The following DNAH7 variants were observed in gnomAD, a reference collection of about 807,000 sequenced individuals.
The protein encoded by DNAH7 is axonemal beta dynein heavy chain 7.
A neutral mutation model predicts 444.6 loss-of-function variants in DNAH7; 397 were observed. The ratio of observed to expected loss-of-function variants is 0.89; its 90% CI spans 0.82 to 0.97. The LOEUF (loss-of-function observed/expected upper bound fraction) is 0.97. Ranked by LOEUF, DNAH7 falls within the 50% of genes least tolerant of loss-of-function variation. DNAH7 has a pLI of 0.00. For synonymous variants in DNAH7, 1,636 were observed against 1,624.4 expected (o/e 1.01, Z -0.17); for missense variants, 4,902 against 4,800.8 (o/e 1.02, Z -0.62).
intron 7 of DNAH7, among the ~76,000 whole-genome samples, chr2:196,024,966 A>G (rs976382627): frequency 6.6e-6 from 1 of 152,204 alleles, no homozygotes; most frequent in African/African-American, 2.4e-5. Flanking sequence ...TAAAAATAAC[A>G]GACAACAATA....
At chr2:195,771,199 G>C (rs886138304) in intron 61 of DNAH7, among the ~76,000 whole-genome samples, 2 of 151,732 alleles carry the variant, frequency 1.3e-5, no homozygotes, top group South Asian at 2.1e-4. Context: ...AAATAGCCAG[G>C]CTTGGTGGCT....
intron 22 of DNAH7, among the ~76,000 whole-genome samples, chr2:195,924,912 A>G (rs1369994587): frequency 6.6e-6 from 1 of 152,240 alleles, no homozygotes; most frequent in African/African-American, 2.4e-5. Context: ...CTTAAGAGAC[A>G]TATCAATATG....
Position 195,981,800 on chromosome 2 carries a change from T to C in DNAH7, c.1833+2832A>G, listed in dbSNP as rs182320775. Among the ~76,000 whole-genome samples the C allele has an allele frequency of 7.1e-4, 108 of 152,266 alleles. 1 individual carries two copies. Among genetic ancestry groups the C allele is most frequent in the African/African-American group, 2.4e-3 (100 of 41,554 alleles). On this transcript the variant is annotated intron_variant, in intron 15 of 64. Coordinates refer to ENST00000312428, the MANE Select transcript of DNAH7 (RefSeq NM_018897.3). Reference sequence around the variant, plus strand: ...TACTAGACCTCTGTCTCTCAACATATACAAAAATCAAATCAAAATGGATTA... The same window carrying C: ...TACTAGACCTCTGTCTCTCAACATACACAAAAATCAAATCAAAATGGATTA...
chr2:195,750,112 A>G (rs1205831531), intron 63 of DNAH7, among the ~76,000 whole-genome samples: 2 of 152,186 alleles, frequency 1.3e-5, no homozygotes, highest in Non-Finnish European at 2.9e-5. Flanking sequence ...TTGGAACACT[A>G]AATAGGCTTT....
At chr2:195,969,331 T>C (rs1211267088) in intron 17 of DNAH7, among the ~76,000 whole-genome samples, 2 of 152,240 alleles carry the variant, frequency 1.3e-5, no homozygotes, top group African/African-American at 4.8e-5. Flanking sequence ...TATTAAGATC[T>C]TTCAATGTAA....
intron 3 of DNAH7, among the ~76,000 whole-genome samples, chr2:196,048,780 G>A (rs187499779): frequency 1.1e-3 from 118 of 111,160 alleles, no homozygotes; most frequent in African/African-American, 2.9e-3. Flanking sequence ...TCTCATGGCT[G>A]TAAACCACCC....
intron 24 of DNAH7, among the ~76,000 whole-genome samples, chr2:195,916,837 C>T (rs534313558): frequency 2.1e-4 from 32 of 151,484 alleles, no homozygotes; most frequent in African/African-American, 7.3e-4. Flanking sequence ...TGGTGGCTCA[C>T]GCCCGTAATT....
At chr2:195,963,331 T>C (rs1262209602) in intron 17 of DNAH7, among the ~76,000 whole-genome samples, 2 of 152,246 alleles carry the variant, frequency 1.3e-5, no homozygotes, top group Non-Finnish European at 2.9e-5. Context: ...TATCTCATTG[T>C]AGTTTTGATT....
chr2:195,788,586 A>G (rs967436724), intron 57 of DNAH7, among the ~76,000 whole-genome samples: 1 of 152,218 alleles, frequency 6.6e-6, no homozygotes, highest in Admixed American at 6.5e-5. Context: ...AGACAAAAAA[A>G]AAGTTGCATA....
At chr2:195,924,159 GGGACTGC>G (rs1395109321) in intron 22 of DNAH7, among the ~76,000 whole-genome samples, 1 of 152,010 alleles carries the variant, frequency 6.6e-6, no homozygotes, top group East Asian at 1.9e-4. Context: ...GTTCTTCCTG[GGGACTGC>G]TATATAGATT....
intron 22 of DNAH7, among the ~76,000 whole-genome samples, chr2:195,924,593 CAA>C (rs1276051887): frequency 9.1e-5 from 11 of 120,644 alleles, no homozygotes; most frequent in Admixed American, 1.7e-4. Context: ...GACTCCATCA[CAA>C]AAAAAAAAAA....
chr2:195,841,938 C>T (rs1336114716), intron 47 of DNAH7, among the ~76,000 whole-genome samples: 1 of 151,956 alleles, frequency 6.6e-6, no homozygotes, highest in Non-Finnish European at 1.5e-5. Flanking sequence ...ACAGCAGTTG[C>T]ACAGACCACA....
chr2:196,068,457 G>A (rs1411153076), intron 1 of DNAH7: 4 of 562,742 alleles, frequency 7.1e-6, no homozygotes, highest in Non-Finnish European at 1.2e-5. Flanking sequence ...CCCTGCTGGC[G>A]CGCCGCTAGG....
intron 54 of DNAH7, among the ~76,000 whole-genome samples, chr2:195,805,626 TA>T (rs557384741): frequency 2.6e-5 from 4 of 152,092 alleles, no homozygotes; most frequent in African/African-American, 4.8e-5. Context: ...CTTTCTCCTT[TA>T]AAAAAAATTA....
At chr2:195,920,761 T>C (rs1667303428) in intron 24 of DNAH7, among the ~76,000 whole-genome samples, 3 of 152,078 alleles carry the variant, frequency 2.0e-5, no homozygotes, top group African/African-American at 7.2e-5. Context: ...TCAAAAGAAA[T>C]AATCAGCAGA....
chr2:195,953,623 G>T (rs575393878), intron 19 of DNAH7, among the ~76,000 whole-genome samples: 2 of 152,200 alleles, frequency 1.3e-5, no homozygotes, highest in Non-Finnish European at 2.9e-5. Flanking sequence ...TTCTTTCAGA[G>T]ATGCCCTGCC....
chr2:195,987,003 T>C, intron 14 of DNAH7, 63 bp downstream of exon 14: 2 of 1,402,566 alleles, frequency 1.4e-6, no homozygotes, highest in Non-Finnish European at 1.9e-6. Context: ...TCTAGTTGAG[T>C]GACAGCTGAT....
intron 63 of DNAH7, among the ~76,000 whole-genome samples, chr2:195,749,075 C>G (rs1693619124): frequency 6.6e-6 from 1 of 151,830 alleles, no homozygotes; most frequent in South Asian, 2.1e-4. Context: ...AAAATTTTCG[C>G]AACCTACTCA....
intron 15 of DNAH7, among the ~76,000 whole-genome samples, chr2:195,977,026 A>G (rs1692259422): frequency 6.6e-6 from 1 of 152,188 alleles, no homozygotes; most frequent in African/African-American, 2.4e-5. Flanking sequence ...TCAAGAAGGA[A>G]GGGTACAAAC....
Sources: allele counts gnomAD v4.1 joint callset (sites outside exome capture counted in the v4.1 genomes callset), GRCh38; gene constraint gnomAD v4.1.1; transcripts MANE v1.5; gene names NCBI Gene and HGNC (gene_info 2026-07-23, HGNC 2026-07-21).